Variants in FASTKD1 observed in about 807,000 individuals in gnomAD.
FASTKD1 encodes the protein FAST kinase domain-containing protein 1, mitochondrial.
A neutral mutation model predicts 90.9 loss-of-function variants in FASTKD1; 94 were observed. That is an observed-to-expected ratio of 1.03 (90% CI 0.88 to 1.23). The LOEUF (loss-of-function observed/expected upper bound fraction) is 1.23. FASTKD1 is among the 50% of genes most tolerant of loss of function. The probability of loss-of-function intolerance (pLI) is 0.00; values close to 1 mark genes in which losing one functional copy is unlikely to be tolerated. For missense variants in FASTKD1, 945 were observed against 993.5 expected (o/e 0.95, Z 0.66); for synonymous variants, 319 against 345.8 (o/e 0.92, Z 0.86).
At chr2:169,537,446 G>A (rs973341851) in intron 11 of FASTKD1, 106 bp from the exon 12 acceptor site, 15 of 655,018 alleles carry the variant, frequency 2.3e-5, no homozygotes, top group African/African-American at 5.6e-5. Context: ...ATGCAACGGC[G>A]CGATCTCAGC....
intron 11 of FASTKD1, 27 bp downstream of exon 11, chr2:169,537,986 G>A (rs1391321961): frequency 6.4e-7 from 1 of 1,572,864 alleles, no homozygotes; most frequent in Non-Finnish European, 8.6e-7. Flanking sequence ...ATCAAACTTT[G>A]CTATCTGACT....
At chr2:169,547,073 G>T (rs2105364877) in intron 7 of FASTKD1, among the ~76,000 whole-genome samples, 2 of 152,306 alleles carry the variant, frequency 1.3e-5, no homozygotes, top group Middle Eastern at 3.4e-3. Flanking sequence ...TGAGCAACCG[G>T]CTTCAAGTTG....
chr2:169,556,931 A>G (rs1421057023), intron 6 of FASTKD1, among the ~76,000 whole-genome samples: 2 of 151,822 alleles, frequency 1.3e-5, no homozygotes, highest in East Asian at 3.9e-4. Flanking sequence ...TGCTTGAACC[A>G]GGGAAGCAGA....
rs1258598903 is a variant in FASTKD1 at position 169,528,837 on chromosome 2, T to A, written c.*988A>T. Among the ~76,000 whole-genome samples, 1 of 152,262 alleles carries A rather than the reference T, an allele frequency of 6.6e-6. No individual in the cohort carries two copies. The highest frequency in any genetic ancestry group is 2.1e-4 in the South Asian group (1 of 4,822). ...TCCCCCTTGAAATGCTTTATCCACTTGGCTTCTAGGAAGTATTACTTACCT... is the reference window on the plus strand; with the variant it reads ...TCCCCCTTGAAATGCTTTATCCACTAGGCTTCTAGGAAGTATTACTTACCT... On this transcript the variant is annotated 3_prime_UTR_variant, in exon 15 of 15. Coordinates refer to ENST00000453153, the MANE Select transcript of FASTKD1 (RefSeq NM_024622.6).
At chr2:169,570,182 C>G (rs929555706) in intron 2 of FASTKD1, among the ~76,000 whole-genome samples, 5 of 152,170 alleles carry the variant, frequency 3.3e-5, no homozygotes, top group South Asian at 2.1e-4. Context: ...GAAAACTGCT[C>G]TTTTTCATCA....
intron 7 of FASTKD1, among the ~76,000 whole-genome samples, chr2:169,554,718 T>C (rs1430135865): frequency 6.6e-6 from 1 of 152,096 alleles, no homozygotes; most frequent in Non-Finnish European, 1.5e-5. Context: ...ATCACCATTA[T>C]GTCTTATTCT....
At chr2:169,531,304 A>C (rs1684476738) in intron 13 of FASTKD1, 48 bp downstream of exon 13, 1 of 1,584,544 alleles carries the variant, frequency 6.3e-7, no homozygotes, top group East Asian at 2.2e-5. Context: ...AGTACACCAA[A>C]TTTAACATTT....
At chr2:169,549,253 C>T (rs1483454735) in intron 7 of FASTKD1, among the ~76,000 whole-genome samples, 1 of 151,776 alleles carries the variant, frequency 6.6e-6, no homozygotes, top group Non-Finnish European at 1.5e-5. Flanking sequence ...AAAAGTTAGC[C>T]AGGTGGGGTG....
intron 12 of FASTKD1, among the ~76,000 whole-genome samples, chr2:169,534,464 T>C (rs200126288): frequency 0.29 from 28,234 of 96,264 alleles, 1,784 homozygotes; most frequent in East Asian, 0.39. Flanking sequence ...TTTTTTTTTC[T>C]TTTTTTTTTT....
intron 3 of FASTKD1, among the ~76,000 whole-genome samples, chr2:169,565,971 G>A (rs115874756): frequency 0.027 from 4,163 of 152,172 alleles, 82 homozygotes; most frequent in East Asian, 0.1. Context: ...CCATTTGCAC[G>A]GGTCTTTTGA....
rs982953163 is a variant in FASTKD1 at position 169,558,074 on chromosome 2, T to G, written c.972-777A>C. The stretch of plus-strand genomic sequence containing the variant: ...CACAGCACTATCCATATCACTAATT[T>G]TATTGTTTCTTCATAAACTATGTTG... On this transcript the variant is annotated intron_variant, in intron 5 of 14. Coordinates refer to ENST00000453153, the MANE Select transcript of FASTKD1 (RefSeq NM_024622.6). Among the ~76,000 whole-genome samples, 4 of 152,238 alleles carry G rather than the reference T, an allele frequency of 2.6e-5. No individual in the cohort carries two copies. In the East Asian group the frequency reaches 7.7e-4, roughly 29 times the overall value.
chr2:169,571,894 A>C lies in FASTKD1; in HGVS notation c.136T>G (p.Cys46Gly). ...CCAAACATTTGCTCCTCATCTGTAC[A>C]CTTATTCATCTGAATAATTAGTGGT... The part of the protein sequence containing the change: ...CEPLIIQMNK[C>G]TDEEQMFGFI... The change falls in exon 2 of 15, where the codon TGT (cysteine) becomes GGT (glycine). Residue 46 changes from cysteine (C) to glycine (G), a missense_variant. Physicochemically the swap from Cys to Gly is radical, Grantham distance 159. Coordinates refer to ENST00000453153, the MANE Select transcript of FASTKD1 (RefSeq NM_024622.6). 1 of 1,614,072 alleles carries C rather than the reference A, an allele frequency of 6.2e-7. No individual in the cohort carries two copies. Among genetic ancestry groups the C allele is most frequent in the Non-Finnish European group, 8.5e-7 (1 of 1,179,984 alleles).
At chr2:169,551,995 G>C (rs1287052153) in intron 7 of FASTKD1, among the ~76,000 whole-genome samples, 1 of 152,066 alleles carries the variant, frequency 6.6e-6, no homozygotes, top group Non-Finnish European at 1.5e-5. Flanking sequence ...AAAACTCTGG[G>C]TTCTTTGAGC....
In FASTKD1 at chr2:169,549,074, G is replaced by A. The variant is rs368081130; in HGVS notation, c.1215-2370C>T. On this transcript the variant is annotated intron_variant, in intron 7 of 14. Coordinates refer to ENST00000453153, the MANE Select transcript of FASTKD1 (RefSeq NM_024622.6). ...ATGGCACCACTGCACTCCAGCCTGG[G>A]CGACAGAGCGAGACTCCATCTCAAA... 1.8e-4 allele frequency among the ~76,000 whole-genome samples: 28 copies of A among 152,236 alleles called. No individual in the cohort carries two copies. The East Asian group carries it at 4.5e-3, about 24-fold the overall frequency.
In FASTKD1 at chr2:169,560,762, T is replaced by A; in HGVS notation, c.596A>T (p.Asn199Ile). 1 of 1,574,354 alleles carries A rather than the reference T, an allele frequency of 6.4e-7. No individual in the cohort carries two copies. The highest frequency in any genetic ancestry group is 8.6e-7 in the Non-Finnish European group (1 of 1,162,974). Residue 199 changes from asparagine to isoleucine, a missense_variant, in exon 5 of 15, where the codon AAC becomes ATC. Coordinates refer to ENST00000453153, the MANE Select transcript of FASTKD1 (RefSeq NM_024622.6). ...ATGTCGTGATATTAAAGAAGATATG[T>A]TGACCATCAAGACAGACAAGGAACT... ...DLSSLSVLMV[N>I]ISSLISRHFQ...
intron 7 of FASTKD1, among the ~76,000 whole-genome samples, chr2:169,547,693 C>G (rs1685264438): frequency 1.3e-5 from 2 of 151,804 alleles, no homozygotes; most frequent in African/African-American, 4.8e-5. Context: ...GTCTGGCCAA[C>G]ATGGTGAAAC....
At chr2:169,550,404 A>G (rs778830774) in intron 7 of FASTKD1, among the ~76,000 whole-genome samples, 1 of 152,254 alleles carries the variant, frequency 6.6e-6, no homozygotes, top group Non-Finnish European at 1.5e-5. Flanking sequence ...GTATACAACA[A>G]GGAAATAAAC....
chr2:169,537,728 G>A (rs1254180418), intron 11 of FASTKD1, among the ~76,000 whole-genome samples: 1 of 152,042 alleles, frequency 6.6e-6, no homozygotes, highest in East Asian at 1.9e-4. Context: ...TCTACAAACT[G>A]AAAAATAAAG....
intron 11 of FASTKD1, among the ~76,000 whole-genome samples, chr2:169,537,681 C>T (rs181243374): frequency 7.0e-4 from 106 of 152,048 alleles, no homozygotes; most frequent in African/African-American, 2.0e-3. Flanking sequence ...CCACCGCGCC[C>T]GGACTTAATC....
Sources: gnomAD v4.1 joint callset for allele counts (sites outside exome capture counted in the v4.1 genomes callset) on GRCh38, gnomAD v4.1.1 for gene constraint, MANE v1.5 for transcripts, NCBI Gene and HGNC (gene_info 2026-07-23, HGNC 2026-07-21) for gene names.